MCTP1: variants seen among roughly 807,000 people sequenced by gnomAD.
The protein encoded by MCTP1 is multiple C2 and transmembrane domain-containing protein 1.
MCTP1 carries 69 observed loss-of-function variants against 120.6 expected under a neutral mutation model. The ratio of observed to expected loss-of-function variants is 0.57; its 90% CI spans 0.47 to 0.70. The LOEUF (loss-of-function observed/expected upper bound fraction) is 0.70, where lower values mean the gene tolerates loss of function less well. Ranked by LOEUF, MCTP1 falls within the 30% of genes least tolerant of loss-of-function variation. The probability of loss-of-function intolerance (pLI) is 0.00; values close to 1 mark genes in which losing one functional copy is unlikely to be tolerated. For missense variants in MCTP1, 1,203 were observed against 1,248.8 expected (o/e 0.96, Z 0.55); for synonymous variants, 529 against 493.1 (o/e 1.07, Z -0.96).
At chr5:94,908,354 T>C (rs375878781) in intron 10 of MCTP1, among the ~76,000 whole-genome samples, 1 of 151,960 alleles carries the variant, frequency 6.6e-6, no homozygotes, top group Non-Finnish European at 1.5e-5. Flanking sequence ...GAAAATGATA[T>C]ATATATAACT....
chr5:95,051,060 G>T (rs1745780372), intron 1 of MCTP1, among the ~76,000 whole-genome samples: 1 of 152,106 alleles, frequency 6.6e-6, no homozygotes, highest in Non-Finnish European at 1.5e-5. Flanking sequence ...ACTTTGAGCT[G>T]AGACTTCCAG....
At chr5:94,765,708 G>GA (rs70978128) in intron 19 of MCTP1, among the ~76,000 whole-genome samples, 46,778 of 109,266 alleles carry the variant, frequency 0.43, 8,467 homozygotes, top group East Asian at 0.64. Context: ...TCTCAAAAAA[G>GA]AAAAAAAAAA....
chr5:95,196,988 C>A (rs1448759259), intron 1 of MCTP1, among the ~76,000 whole-genome samples: 1 of 152,094 alleles, frequency 6.6e-6, no homozygotes, highest in African/African-American at 2.4e-5. Context: ...TCAATAAAGA[C>A]CCTCAGGTTG....
intron 19 of MCTP1, among the ~76,000 whole-genome samples, chr5:94,768,179 G>C (rs1773233689): frequency 6.6e-6 from 1 of 152,106 alleles, no homozygotes; most frequent in Non-Finnish European, 1.5e-5. Context: ...AATAAATGGG[G>C]CTGGGAAAAC....
At chr5:94,904,458 G>A (rs1441899645) in intron 10 of MCTP1, among the ~76,000 whole-genome samples, 1 of 152,082 alleles carries the variant, frequency 6.6e-6, no homozygotes, top group Non-Finnish European at 1.5e-5. Flanking sequence ...TCCATTTATG[G>A]TAAATTTACT....
intron 17 of MCTP1, among the ~76,000 whole-genome samples, chr5:94,820,936 G>T (rs1460178635): frequency 6.6e-6 from 1 of 152,160 alleles, no homozygotes; most frequent in Non-Finnish European, 1.5e-5. Flanking sequence ...TCATACTTGA[G>T]TAATAATCTT....
intron 1 of MCTP1, among the ~76,000 whole-genome samples, chr5:95,112,144 A>G (rs949784722): frequency 1.3e-4 from 20 of 152,194 alleles, no homozygotes; most frequent in Non-Finnish European, 2.9e-4. Context: ...ATAATACAGA[A>G]GAGGATACCA....
intron 2 of MCTP1, among the ~76,000 whole-genome samples, chr5:95,013,186 A>G (rs1433197466): frequency 6.6e-6 from 1 of 152,150 alleles, no homozygotes; most frequent in Non-Finnish European, 1.5e-5. Context: ...ACTCTCTTCA[A>G]TTCTATGAAC....
chr5:94,953,197 A>G (rs760485223), intron 3 of MCTP1, 22 bp downstream of exon 3: 1 of 1,570,838 alleles, frequency 6.4e-7, no homozygotes, highest in Non-Finnish European at 8.6e-7. Context: ...TTCTATCAGG[A>G]AAAAACAAAT....
intron 1 of MCTP1, among the ~76,000 whole-genome samples, chr5:95,200,966 T>C (rs1304502544): frequency 1.3e-5 from 2 of 152,234 alleles, no homozygotes; most frequent in Admixed American, 6.5e-5. Context: ...ATTTTATCTA[T>C]GAAAAGTTTG....
At chr5:94,987,306 G>T (rs537067060) in intron 2 of MCTP1, among the ~76,000 whole-genome samples, 1 of 152,086 alleles carries the variant, frequency 6.6e-6, no homozygotes, top group Non-Finnish European at 1.5e-5. Context: ...TAAGCATGGG[G>T]CTTTGCAGGG....
intron 3 of MCTP1, among the ~76,000 whole-genome samples, chr5:94,951,485 G>A (rs923957876): frequency 3.9e-5 from 6 of 152,112 alleles, no homozygotes; most frequent in African/African-American, 4.8e-5. Flanking sequence ...TTCTTCTCAT[G>A]ATTTTTCACT....
chr5:94,831,828 T>G (rs1788575085), intron 17 of MCTP1, among the ~76,000 whole-genome samples: 1 of 152,210 alleles, frequency 6.6e-6, no homozygotes, highest in South Asian at 2.1e-4. Flanking sequence ...GCTCTTAAGT[T>G]TTTAAGGATC....
chr5:94,945,094 T>C (rs1818608575), intron 3 of MCTP1, among the ~76,000 whole-genome samples: 2 of 152,158 alleles, frequency 1.3e-5, no homozygotes, highest in Admixed American at 1.3e-4. Context: ...TTGAGTGTCA[T>C]AAACAGAGTG....
chr5:95,073,894 C>T (rs1002213969), intron 1 of MCTP1, among the ~76,000 whole-genome samples: 4 of 152,168 alleles, frequency 2.6e-5, no homozygotes, highest in East Asian at 1.9e-4. Context: ...GGGTGAATCA[C>T]GAGGTCAGGA....
At chr5:95,157,551 A>G (rs1296745397) in intron 1 of MCTP1, among the ~76,000 whole-genome samples, 1 of 152,206 alleles carries the variant, frequency 6.6e-6, no homozygotes, top group Admixed American at 6.5e-5. Flanking sequence ...CAGTGGTATA[A>G]ATAAGGCTAA....
At chr5:94,801,305 T>A (rs1781193887) in intron 17 of MCTP1, among the ~76,000 whole-genome samples, 1 of 152,238 alleles carries the variant, frequency 6.6e-6, no homozygotes, top group Non-Finnish European at 1.5e-5. Flanking sequence ...GGTTCCCCAA[T>A]CATTCTACAG....
chr5:94,730,912 C>T (rs1000430103), intron 19 of MCTP1, among the ~76,000 whole-genome samples: 2 of 149,982 alleles, frequency 1.3e-5, no homozygotes, highest in Non-Finnish European at 1.5e-5. Flanking sequence ...GCCAAAGAAA[C>T]AAACACACTC....
chr5:95,234,027 A>G (rs1254162921), intron 1 of MCTP1, among the ~76,000 whole-genome samples: 1 of 152,120 alleles, frequency 6.6e-6, no homozygotes, highest in South Asian at 2.1e-4. Context: ...GAAAAAAAAA[A>G]AAAGAGAGAA....
Sources: allele counts gnomAD v4.1 joint callset (sites outside exome capture counted in the v4.1 genomes callset), GRCh38; gene constraint gnomAD v4.1.1; transcripts MANE v1.5; gene names NCBI Gene and HGNC (gene_info 2026-07-23, HGNC 2026-07-21).